The following JARID2 variants were observed in gnomAD, a reference collection of about 807,000 sequenced individuals.
The protein encoded by JARID2 is protein Jumonji.
JARID2 carries 21 observed loss-of-function variants against 125.6 expected under a neutral mutation model. That is an observed-to-expected ratio of 0.17 (90% CI 0.12 to 0.24). The LOEUF (loss-of-function observed/expected upper bound fraction) is 0.24. Ranked by LOEUF, JARID2 falls within the 10% of genes least tolerant of loss-of-function variation. The pLI, the probability that JARID2 is intolerant of heterozygous loss-of-function variation, is 1.00. For missense variants in JARID2, 1,303 were observed against 1,639.6 expected, an observed-to-expected ratio of 0.79 and a Z score of 3.55; for synonymous variants, 736 against 661.6, an observed-to-expected ratio of 1.11 and a Z score of -1.73.
intron 1 of JARID2, among the ~76,000 whole-genome samples, chr6:15,256,754 C>T (rs542250423): frequency 2.8e-4 from 43 of 152,312 alleles, no homozygotes; most frequent in African/African-American, 9.9e-4. Context: ...CTGGTCTCCT[C>T]GCACTTTATT....
intron 2 of JARID2, among the ~76,000 whole-genome samples, chr6:15,381,296 G>C (rs368004000): frequency 9.0e-5 from 13 of 145,248 alleles, no homozygotes; most frequent in East Asian, 6.0e-4. Flanking sequence ...GAGCCAGATC[G>C]TGCCACTGCA....
intron 2 of JARID2, among the ~76,000 whole-genome samples, chr6:15,384,252 A>G (rs1277521540): frequency 6.6e-6 from 1 of 152,048 alleles, no homozygotes; most frequent in Admixed American, 6.5e-5. Flanking sequence ...ACGCCCGGCT[A>G]ATTTTTAAAT....
At chr6:15,498,989 C>T (rs914634586) in intron 7 of JARID2, among the ~76,000 whole-genome samples, 3 of 152,298 alleles carry the variant, frequency 2.0e-5, no homozygotes, top group Admixed American at 1.3e-4. Flanking sequence ...CACTTGACAT[C>T]GTAGTGACAG....
At chr6:15,427,211 C>G (rs911260629) in intron 3 of JARID2, among the ~76,000 whole-genome samples, 1 of 152,132 alleles carries the variant, frequency 6.6e-6, no homozygotes, top group East Asian at 1.9e-4. Context: ...GAGTTCAGAG[C>G]ATGTGAGTTG....
chr6:15,464,366 C>A (rs1768606100), intron 4 of JARID2, among the ~76,000 whole-genome samples: 1 of 152,190 alleles, frequency 6.6e-6, no homozygotes, highest in South Asian at 2.1e-4. Context: ...GTACCTACTT[C>A]TGTTTGTCTA....
intron 7 of JARID2, among the ~76,000 whole-genome samples, chr6:15,497,572 A>G (rs1382504721): frequency 6.7e-6 from 1 of 150,228 alleles, no homozygotes; most frequent in African/African-American, 2.5e-5. Flanking sequence ...AATGGCGTGA[A>G]CCCAGGAGGC....
chr6:15,417,577 CA>C (rs1029945215), intron 3 of JARID2, among the ~76,000 whole-genome samples: 1 of 151,882 alleles, frequency 6.6e-6, no homozygotes, highest in African/African-American at 2.4e-5. Flanking sequence ...CCATTTCTAC[CA>C]AAAAATACAA....
At chr6:15,390,760 T>TA (rs1217881229) in intron 2 of JARID2, among the ~76,000 whole-genome samples, 3 of 152,156 alleles carry the variant, frequency 2.0e-5, no homozygotes, top group African/African-American at 7.2e-5. Context: ...GCTGGGCATC[T>TA]ACCCTCCTGC....
intron 9 of JARID2, among the ~76,000 whole-genome samples, chr6:15,506,004 G>T (rs1348336014): frequency 6.6e-6 from 1 of 152,266 alleles, no homozygotes; most frequent in African/African-American, 2.4e-5. Context: ...TGATGCGCAA[G>T]AAAACTTAGC....
At chr6:15,411,493 A>T (rs1245703757) in intron 3 of JARID2, among the ~76,000 whole-genome samples, 6 of 152,174 alleles carry the variant, frequency 3.9e-5, no homozygotes, top group African/African-American at 1.4e-4. Context: ...GTCTTAGAAG[A>T]TGTCATAAGA....
chr6:15,345,199 G>T (rs1410956171), intron 1 of JARID2, among the ~76,000 whole-genome samples: 1 of 152,118 alleles, frequency 6.6e-6, no homozygotes, highest in East Asian at 1.9e-4. Flanking sequence ...TAAGTTTCTT[G>T]TCTTTCAAGG....
At chr6:15,260,580 C>T (rs1338710285) in intron 1 of JARID2, among the ~76,000 whole-genome samples, 1 of 152,180 alleles carries the variant, frequency 6.6e-6, no homozygotes, top group Non-Finnish European at 1.5e-5. Context: ...TCAATATAAA[C>T]ACCATCAATT....
In JARID2 at chr6:15,509,245, C is replaced by T; in HGVS notation, c.2846+791C>T. On this transcript the variant is annotated intron_variant, in intron 12 of 17. Coordinates refer to ENST00000341776, the MANE Select transcript of JARID2 (RefSeq NM_004973.4). ...GTTTACGGCGGCAGATGGGAAATGA[C>T]TACAAATAATCAGATGTCTTGTCGT... 6.6e-6 allele frequency: 8 copies of T among 1,205,240 alleles called. No individual in the cohort carries two copies. In the South Asian group the frequency reaches 1.2e-4, roughly 18 times the overall value. 74.7% of individuals were successfully genotyped at this position (1,205,240 alleles called of 1,614,324 possible). A position where few individuals can be genotyped will look rare whatever the true frequency, so the allele number is the denominator to read the frequency against.
At position 15,369,363 on chromosome 6, in the gene JARID2, T is replaced by C. The variant is rs530926031; in HGVS notation, c.46-4754T>C. ...GTTTGATTCCTGACCAATTGCTCTTTTTGATAAGAAATTCTATTATTTTCA... is the reference window on the plus strand; with the variant it reads ...GTTTGATTCCTGACCAATTGCTCTTCTTGATAAGAAATTCTATTATTTTCA... On this transcript the variant is annotated intron_variant, in intron 1 of 17. Transcript: ENST00000341776. 122 of 417,398 alleles carry C rather than the reference T, an allele frequency of 2.9e-4. 1 individual carries two copies. In the East Asian group the frequency reaches 6.2e-3, roughly 21 times the overall value. The allele number at this position is 417,398 out of a possible 1,614,324, so 25.9% of individuals were successfully genotyped here.
rs151010057 is a variant in JARID2 at position 15,277,809 on chromosome 6, A to T, written c.45+31225A>T. On this transcript the variant is annotated intron_variant, in intron 1 of 17. Coordinates refer to ENST00000341776, the MANE Select transcript of JARID2 (RefSeq NM_004973.4). ...AAAAAAAAAAACAGTCAAGGATTCC[A>T]TGTAGTTGCAAAAGGCAAGTTCAAG... Among the ~76,000 whole-genome samples the T allele has an allele frequency of 1.4e-3, 215 of 151,008 alleles. 1 individual carries two copies. The highest frequency in any genetic ancestry group is 4.8e-3 in the African/African-American group (199 of 41,218).
chr6:15,478,710 C>T (rs1213791551), intron 5 of JARID2, among the ~76,000 whole-genome samples: 1 of 152,056 alleles, frequency 6.6e-6, no homozygotes, highest in Non-Finnish European at 1.5e-5. Flanking sequence ...ACTCTTGTCA[C>T]CTAGGCTGGA....
intron 5 of JARID2, among the ~76,000 whole-genome samples, chr6:15,479,975 A>C (rs1357120969): frequency 6.6e-6 from 1 of 152,230 alleles, no homozygotes; most frequent in African/African-American, 2.4e-5. Flanking sequence ...CCAGGGAGCA[A>C]GTGTGGCTTT....
intron 5 of JARID2, among the ~76,000 whole-genome samples, chr6:15,482,555 T>C (rs1014601790): frequency 6.6e-6 from 1 of 152,246 alleles, no homozygotes; most frequent in Admixed American, 6.5e-5. Flanking sequence ...TTTTTGTTAA[T>C]CCCGTTAATG....
intron 1 of JARID2, among the ~76,000 whole-genome samples, chr6:15,253,619 T>G (rs1195687119): frequency 6.7e-6 from 1 of 149,128 alleles, no homozygotes; most frequent in Admixed American, 6.7e-5. Context: ...GGGTTTCTGG[T>G]TTTTTTTTTA....
Sources: gnomAD v4.1 joint callset for allele counts (sites outside exome capture counted in the v4.1 genomes callset) on GRCh38, gnomAD v4.1.1 for gene constraint, MANE v1.5 for transcripts, NCBI Gene and HGNC (gene_info 2026-07-23, HGNC 2026-07-21) for gene names.